The following PDE1C variants were observed in gnomAD, a reference collection of about 807,000 sequenced individuals.
The protein encoded by PDE1C is dual specificity calcium/calmodulin-dependent 3',5'-cyclic nucleotide phosphodiesterase 1C.
Under a neutral mutation model 93.1 loss-of-function variants are expected in PDE1C, and 62 were observed. The ratio of observed to expected loss-of-function variants is 0.67; its 90% CI spans 0.54 to 0.82. The LOEUF is 0.82. PDE1C is among the 40% of genes least tolerant of loss of function. The probability of loss-of-function intolerance (pLI) is 0.00; values close to 1 mark genes in which losing one functional copy is unlikely to be tolerated. For synonymous variants in PDE1C, 325 were observed against 310.1 expected (o/e 1.05, Z -0.50); for missense variants, 742 against 884.6 (o/e 0.84, Z 2.04).
At chr7:32,071,825 A>T (rs569775401), upstream of PDE1C, among the ~76,000 whole-genome samples, 1 of 152,298 alleles carries the variant, frequency 6.6e-6, no homozygotes, top group East Asian at 1.9e-4. Context: ...ATTGCAAGCG[A>T]CATCACAGAA....
chr7:32,127,503 T>C (rs1295521263), intron 3 of PDE1C, among the ~76,000 whole-genome samples: 1 of 152,060 alleles, frequency 6.6e-6, no homozygotes, highest in Non-Finnish European at 1.5e-5. Flanking sequence ...AAAAAAACTT[T>C]CCTGGGTTAA....
intron 17 of PDE1C, among the ~76,000 whole-genome samples, chr7:31,765,645 G>T (rs545866063): frequency 6.6e-6 from 1 of 152,140 alleles, no homozygotes; most frequent in African/African-American, 2.4e-5. Flanking sequence ...AGTGGGATAG[G>T]CTTCAATCCA....
At chr7:31,765,829 G>A (rs1795107529) in intron 17 of PDE1C, among the ~76,000 whole-genome samples, 1 of 152,154 alleles carries the variant, frequency 6.6e-6, no homozygotes, top group Non-Finnish European at 1.5e-5. Context: ...CAGAATACAA[G>A]TGTGAAAGAA....
chr7:31,946,539 C>T (rs1806639365), intron 2 of PDE1C, among the ~76,000 whole-genome samples: 1 of 152,196 alleles, frequency 6.6e-6, no homozygotes, highest in Non-Finnish European at 1.5e-5. Context: ...TCCCCATTAT[C>T]TCAAGTACCA....
At chr7:31,953,415 T>C (rs1356193312) in intron 2 of PDE1C, among the ~76,000 whole-genome samples, 1 of 152,218 alleles carries the variant, frequency 6.6e-6, no homozygotes, top group Non-Finnish European at 1.5e-5. Context: ...TGCCTCCCTA[T>C]GTAATTTGTC....
At chr7:31,789,494 G>T in intron 16 of PDE1C, 1 of 274,986 alleles carries the variant, frequency 3.6e-6, no homozygotes, top group Non-Finnish European at 5.5e-6. Flanking sequence ...GCTACCAGTG[G>T]AAACAATGGG....
At chr7:31,743,395 T>C in the PDE1C span, among the ~76,000 whole-genome samples, 1 of 152,118 alleles carries the variant, frequency 6.6e-6, no homozygotes, top group East Asian at 1.9e-4. Context: ...TTATCTGTCC[T>C]TCAGATGCCT....
chr7:31,775,433 C>G (rs1458077521), intron 17 of PDE1C, among the ~76,000 whole-genome samples: 1 of 152,124 alleles, frequency 6.6e-6, no homozygotes, highest in Non-Finnish European at 1.5e-5. Flanking sequence ...GACCAAAATT[C>G]TATTCTTTCC....
At chr7:32,157,896 C>A (rs891693408) in intron 3 of PDE1C, among the ~76,000 whole-genome samples, 2 of 152,158 alleles carry the variant, frequency 1.3e-5, no homozygotes, top group Admixed American at 6.5e-5. Flanking sequence ...TTTTAAAAAA[C>A]AAATGCAAAA....
intron 2 of PDE1C, among the ~76,000 whole-genome samples, chr7:32,019,149 T>C (rs1788307219): frequency 6.9e-6 from 1 of 145,870 alleles, no homozygotes; most frequent in Non-Finnish European, 1.5e-5. Flanking sequence ...TTATGTTGTT[T>C]TAAAAAAAAA....
chr7:31,691,797 TAAAAA>T, the PDE1C span, among the ~76,000 whole-genome samples: 7 of 86,558 alleles, frequency 8.1e-5, no homozygotes, highest in African/African-American at 1.8e-4. Context: ...ATGTAATGAT[TAAAAA>T]AAAAAAAAAA....
chr7:32,339,556 A>T (rs1301704736), intron 1 of PDE1C, among the ~76,000 whole-genome samples: 3 of 152,224 alleles, frequency 2.0e-5, no homozygotes, highest in African/African-American at 7.2e-5. Context: ...AAAAATGAAG[A>T]ATTAGCCCAT....
chr7:31,962,398 C>G (rs1199984501), intron 2 of PDE1C, among the ~76,000 whole-genome samples: 1 of 152,212 alleles, frequency 6.6e-6, no homozygotes, highest in Non-Finnish European at 1.5e-5. Flanking sequence ...GTCAGACCAT[C>G]AGGACAGAAA....
chr7:32,306,631 T>C (rs1813010978), intron 1 of PDE1C, among the ~76,000 whole-genome samples: 1 of 152,244 alleles, frequency 6.6e-6, no homozygotes. Flanking sequence ...AATGTAGTCA[T>C]GTCTTTCCTT....
intron 3 of PDE1C, among the ~76,000 whole-genome samples, chr7:32,136,988 T>C (rs559572221): frequency 6.6e-6 from 1 of 152,340 alleles, no homozygotes; most frequent in African/African-American, 2.4e-5. Context: ...CCCACATTTA[T>C]ACAGCATTGC....
At chr7:31,659,423 T>TCACTCTTTC in the PDE1C span, among the ~76,000 whole-genome samples, 1 of 152,080 alleles carries the variant, frequency 6.6e-6, no homozygotes, top group African/African-American at 2.4e-5. Context: ...CTGCTCAGCC[T>TCACTCTTTC]CACTCTTTCC....
chr7:32,289,140 C>T (rs1310817370), intron 1 of PDE1C, among the ~76,000 whole-genome samples: 4 of 152,222 alleles, frequency 2.6e-5, no homozygotes, highest in African/African-American at 9.6e-5. Flanking sequence ...CACAGTGGCT[C>T]ATGCCTGTAA....
intron 17 of PDE1C, among the ~76,000 whole-genome samples, chr7:31,770,543 G>A (rs947361020): frequency 2.0e-5 from 3 of 151,816 alleles, no homozygotes; most frequent in East Asian, 1.9e-4. Flanking sequence ...ACGGAGTCTC[G>A]CTCTGTTGCC....
rs978020787 is a variant in PDE1C at position 32,249,348 on chromosome 7, A to G, written c.86-39809T>C. 1.9e-4 allele frequency among the ~76,000 whole-genome samples: 29 copies of G among 152,066 alleles called. 1 individual carries two copies. The highest frequency in any genetic ancestry group is 6.7e-4 in the African/African-American group (28 of 41,520). The stretch of plus-strand genomic sequence containing the variant: ...TTTCCTTAAGGTGGTAAACGCAAGC[A>G]GAAGCATGCATCTAACTGCTCCTTA... On this transcript the variant is annotated intron_variant, in intron 1 of 18. Coordinates refer to the PDE1C transcript ENST00000396193.
Sources: allele counts gnomAD v4.1 joint callset (sites outside exome capture counted in the v4.1 genomes callset), GRCh38; gene constraint gnomAD v4.1.1; transcripts MANE v1.5; gene names NCBI Gene and HGNC (gene_info 2026-07-23, HGNC 2026-07-21).